Variants in C8orf34 observed in about 807,000 individuals in gnomAD.
C8orf34 encodes chromosome 8 open reading frame 34, also known as uncharacterized protein C8orf34.
In C8orf34, 65 loss-of-function variants were observed where a neutral mutation model predicts 68.3. The ratio of observed to expected loss-of-function variants is 0.95; its 90% CI spans 0.78 to 1.17. The LOEUF (loss-of-function observed/expected upper bound fraction) is 1.17, where lower values mean the gene tolerates loss of function less well. Among genes scored for constraint, C8orf34 ranks in the 50% most tolerant of loss-of-function variants. The probability of loss-of-function intolerance (pLI) is 0.00; values close to 1 mark genes in which losing one functional copy is unlikely to be tolerated. For synonymous variants in C8orf34, 244 were observed against 241.2 expected (o/e 1.01, Z -0.11); for missense variants, 664 against 655.4 (o/e 1.01, Z -0.14).
At chr8:68,460,533 A>AGG (rs1046478761) in intron 3 of C8orf34, among the ~76,000 whole-genome samples, 35 of 152,280 alleles carry the variant, frequency 2.3e-4, no homozygotes, top group African/African-American at 8.2e-4. Context: ...CCTAACTGGG[A>AGG]GGCACCCCCC....
chr8:68,721,279 C>T (rs1471925282), intron 9 of C8orf34, 82 bp from the exon 10 acceptor site: 4 of 852,044 alleles, frequency 4.7e-6, no homozygotes, highest in Non-Finnish European at 7.3e-6. Context: ...TCATTTTATT[C>T]TTCTCACAAC....
intron 7 of C8orf34, among the ~76,000 whole-genome samples, chr8:68,541,933 TAAA>T (rs1815716203): frequency 6.6e-6 from 1 of 152,242 alleles, no homozygotes; most frequent in Non-Finnish European, 1.5e-5. Context: ...GCTTTTTATT[TAAA>T]AAGTATCAAA....
chr8:68,646,530 C>T (rs974487099), intron 8 of C8orf34, among the ~76,000 whole-genome samples: 1 of 151,990 alleles, frequency 6.6e-6, no homozygotes, highest in Non-Finnish European at 1.5e-5. Flanking sequence ...TTATTATAGT[C>T]ACTGTTTTGT....
chr8:68,707,668 T>C (rs1821209449), intron 8 of C8orf34, among the ~76,000 whole-genome samples: 1 of 152,144 alleles, frequency 6.6e-6, no homozygotes, highest in Non-Finnish European at 1.5e-5. Flanking sequence ...CTCAAACTCC[T>C]GGCCTCAAGT....
At chr8:68,347,548 C>T (rs910616694) in intron 1 of C8orf34, among the ~76,000 whole-genome samples, 1 of 152,142 alleles carries the variant, frequency 6.6e-6, no homozygotes, top group African/African-American at 2.4e-5. Flanking sequence ...ACACTGCTTT[C>T]CACAACGGTT....
At chr8:68,420,451 C>T (rs1463655078) in intron 1 of C8orf34, among the ~76,000 whole-genome samples, 1 of 152,088 alleles carries the variant, frequency 6.6e-6, no homozygotes, top group Non-Finnish European at 1.5e-5. Flanking sequence ...CCAGGCGCTA[C>T]TTTCTACTTT....
Position 68,709,078 on chromosome 8 carries a change from C to A in C8orf34, c.1326C>A (p.Phe442Leu), listed in dbSNP as rs201463505. ...CAGATGAAAAAATCCCAGATTCATTCGGTAAGTTTTAAGTCCAACAATATT... is the reference window on the plus strand; with the variant it reads ...CAGATGAAAAAATCCCAGATTCATTAGGTAAGTTTTAAGTCCAACAATATT... ...HSPDEKIPDSFDSLPGTEEAL... is the reference protein window; with the variant it reads ...HSPDEKIPDSLDSLPGTEEAL... Residue 442 changes from phenylalanine (F) to leucine (L), a missense_variant and splice_region_variant, in exon 9 of 14, where the codon TTC becomes TTA. Phe to Leu is a conservative substitution (Grantham distance 22, BLOSUM62 0). Transcript: ENST00000518698. The A allele has an allele frequency of 1.9e-6, 3 of 1,608,438 alleles. No homozygotes were observed. Among genetic ancestry groups the A allele is most frequent in the Non-Finnish European group, 2.6e-6 (3 of 1,175,886 alleles).
chr8:68,790,975 G>T (rs201600214), intron 12 of C8orf34: 53 of 601,246 alleles, frequency 8.8e-5, no homozygotes, highest in Non-Finnish European at 1.4e-4. Flanking sequence ...TTAAACTTTG[G>T]GTCTTCTTTT....
Position 68,583,894 on chromosome 8 carries a change from C to T in C8orf34, c.1105+50745C>T, listed in dbSNP as rs185645038. ...AACACTGTCACCTATTGAACCAATC[C>T]GTACTCCTTGTGAGTGGATTTTACT... is the stretch of plus-strand genomic sequence containing the variant. On this transcript the variant is annotated intron_variant, in intron 7 of 13. Coordinates refer to ENST00000518698, the MANE Select transcript of C8orf34 (RefSeq NM_052958.4). 4.1e-3 allele frequency among the ~76,000 whole-genome samples: 624 copies of T among 152,110 alleles called. 1 individual carries two copies. The highest frequency in any genetic ancestry group is 7.4e-3 in the Non-Finnish European group (503 of 67,968).
intron 8 of C8orf34, among the ~76,000 whole-genome samples, chr8:68,665,772 C>A (rs1819819131): frequency 6.6e-6 from 1 of 152,174 alleles, no homozygotes; most frequent in Non-Finnish European, 1.5e-5. Flanking sequence ...GACCCCAACC[C>A]TGTTACACTC....
intron 3 of C8orf34, among the ~76,000 whole-genome samples, chr8:68,465,316 G>A (rs2129629535): frequency 6.7e-6 from 1 of 150,054 alleles, no homozygotes; most frequent in Non-Finnish European, 1.5e-5. Context: ...TGCTGGAGAG[G>A]ATGTGGAGAA....
chr8:68,422,794 G>A (rs548857604), intron 1 of C8orf34, among the ~76,000 whole-genome samples: 7 of 152,298 alleles, frequency 4.6e-5, no homozygotes, highest in African/African-American at 1.7e-4. Context: ...GGACATCCAG[G>A]CCCTTCCATA....
intron 7 of C8orf34, among the ~76,000 whole-genome samples, chr8:68,615,697 T>C (rs1202683536): frequency 6.6e-6 from 1 of 152,210 alleles, no homozygotes; most frequent in African/African-American, 2.4e-5. Flanking sequence ...TTTGCCAGTA[T>C]TTTATTGAGG....
At chr8:68,705,459 C>A (rs948387136) in intron 8 of C8orf34, among the ~76,000 whole-genome samples, 1 of 152,032 alleles carries the variant, frequency 6.6e-6, no homozygotes, top group Admixed American at 6.6e-5. Context: ...GCCTTAAGAA[C>A]AAATAGAGGT....
At chr8:68,380,619 G>A (rs1807990859) in intron 1 of C8orf34, among the ~76,000 whole-genome samples, 1 of 152,112 alleles carries the variant, frequency 6.6e-6, no homozygotes, top group Non-Finnish European at 1.5e-5. Context: ...TTCTTAGCTG[G>A]AATTTATTGA....
Position 68,765,475 on chromosome 8 carries a change from T to C in C8orf34, c.1405-10924T>C, listed in dbSNP as rs139746978. On this transcript the variant is annotated intron_variant, in intron 10 of 13. Transcript: ENST00000518698. Reference sequence around the variant, plus strand: ...GTGAGTTTGGACCCACCAATGGAAATCACCTTTCAAAGTGTCCTAGAGACT... The same window carrying C: ...GTGAGTTTGGACCCACCAATGGAAACCACCTTTCAAAGTGTCCTAGAGACT... Among the ~76,000 whole-genome samples, 3 of 152,278 alleles carry C rather than the reference T, an allele frequency of 2.0e-5. No individual in the cohort carries two copies. In the East Asian group the frequency reaches 5.8e-4, roughly 29 times the overall value.
chr8:68,475,099 C>T (rs1401147986), intron 4 of C8orf34, among the ~76,000 whole-genome samples: 1 of 152,140 alleles, frequency 6.6e-6, no homozygotes, highest in Non-Finnish European at 1.5e-5. Context: ...CCTCGAGGTT[C>T]CCCCTTTCCA....
At chr8:68,753,563 G>T (rs888106160) in intron 10 of C8orf34, among the ~76,000 whole-genome samples, 7 of 152,150 alleles carry the variant, frequency 4.6e-5, no homozygotes, top group Admixed American at 1.3e-4. Context: ...TGTTATCACA[G>T]AAATTGTTTT....
At chr8:68,797,157 G>A (rs75227751) in intron 12 of C8orf34, among the ~76,000 whole-genome samples, 13,644 of 152,162 alleles carry the variant, frequency 0.09, 935 homozygotes, top group East Asian at 0.36. Flanking sequence ...GCCTATGCAC[G>A]TCTATTTTCA....
Sources: gnomAD v4.1 joint callset for allele counts (sites outside exome capture counted in the v4.1 genomes callset) on GRCh38, gnomAD v4.1.1 for gene constraint, MANE v1.5 for transcripts, NCBI Gene and HGNC (gene_info 2026-07-23, HGNC 2026-07-21) for gene names.